MUC4: variants seen among roughly 807,000 people sequenced by gnomAD.
MUC4 encodes the protein mucin 4, cell surface associated.
Under a neutral mutation model 257.9 loss-of-function variants are expected in MUC4, and 202 were observed. The observed-to-expected ratio is 0.78, with a 90% CI of 0.70 to 0.88. The LOEUF (loss-of-function observed/expected upper bound fraction) is 0.88, where lower values mean the gene tolerates loss of function less well. Among genes scored for constraint, MUC4 ranks in the 40% least tolerant of loss-of-function variants. The pLI is 0.00. For missense variants in MUC4, 5,976 were observed against 6,513.7 expected, an observed-to-expected ratio of 0.92 and a Z score of 2.84; for synonymous variants, 2,351 against 2,757.1, an observed-to-expected ratio of 0.85 and a Z score of 4.62.
chr3:195,756,711 G>A (rs190993907), intron 18 of MUC4, among the ~76,000 whole-genome samples: 1 of 149,156 alleles, frequency 6.7e-6, no homozygotes, highest in Admixed American at 6.7e-5. Context: ...TGCCCAGGCT[G>A]GAGTACAATG....
Position 195,791,021 on chromosome 3 carries a change from A to C in MUC4, c.559T>G (p.Ser187Ala). 1.2e-6 allele frequency: 2 copies of C among 1,613,800 alleles called. No homozygotes were observed. The highest frequency in any genetic ancestry group is 1.7e-6 in the Non-Finnish European group (2 of 1,179,862). The change falls in exon 2 of 25, where the codon TCT (serine) becomes GCT (alanine). Residue 187 changes from serine (S) to alanine (A), a missense_variant. This residue lies in a region of MUC4 where 1,583 missense variants were observed against 1,257.4 expected (regional missense o/e 1.26). Transcript: ENST00000463781. ...GAAGAAGCTGATGTGTCTTGGATAG[A>C]GGTCCTCCAGGAAGTTGTTCGTGAT... ...GQSRTTSWRT[S>A]IQDTSASSQN...
In MUC4 at chr3:195,782,427, T is replaced by G. The variant is rs770156363; in HGVS notation, c.9153A>C (p.Thr3051=). Residue 3051 remains threonine, a synonymous_variant, in exon 2 of 25, where the codon ACA becomes ACC. Coordinates refer to ENST00000463781, the MANE Select transcript of MUC4 (RefSeq NM_018406.7). Reference sequence around the variant, plus strand: ...TGACATGAAGAGGGTTGGCGTGACCTGTGGATGCTGAGGAAGTGTCGGTGA... The same window carrying G: ...TGACATGAAGAGGGTTGGCGTGACCGGTGGATGCTGAGGAAGTGTCGGTGA... The part of the protein sequence containing the change: ...LPVTDTSSAS[T]GHANPLHVTS... 7.6e-6 allele frequency: 11 copies of G among 1,447,574 alleles called. 2 individuals are homozygous for G. In the African/African-American group the frequency reaches 1.7e-4, roughly 22 times the overall value. The allele number at this position is 1,447,574 out of a possible 1,614,324, so 89.7% of individuals were successfully genotyped here. A position where few individuals can be genotyped will look rare whatever the true frequency, so the allele number is the denominator to read the frequency against.
At chr3:195,753,024 G>A (rs751777224) in intron 20 of MUC4, 27 bp downstream of exon 20, 6 of 1,598,844 alleles carry the variant, frequency 3.8e-6, no homozygotes, top group African/African-American at 1.3e-5. Flanking sequence ...GAGTGCGGGG[G>A]TGAGAGGGCG....
chr3:195,804,335 TC>T (rs1437112045), intron 1 of MUC4, among the ~76,000 whole-genome samples: 1 of 152,204 alleles, frequency 6.6e-6, no homozygotes, highest in Non-Finnish European at 1.5e-5. Context: ...GGCATCGTTT[TC>T]CCCAGATGGC....
chr3:195,774,149 C>A (rs762397903), intron 4 of MUC4, 23 bp downstream of exon 4: 4 of 1,585,678 alleles, frequency 2.5e-6, no homozygotes, highest in Non-Finnish European at 3.4e-6. Flanking sequence ...GTTCAGGCTG[C>A]GCGGGCCGCA....
Position 195,811,837 on chromosome 3 carries a change from C to T in MUC4, c.-20G>A, listed in dbSNP as rs1736790128. On this transcript the variant is annotated 5_prime_UTR_variant, in exon 1 of 25. Transcript: ENST00000463781. Reference sequence around the variant, plus strand: ...CTTCATGGCTGCGGCAAAAGTCCCCCTGGCTCCCTGGGGAAGCTCCACGGC... The same window carrying T: ...CTTCATGGCTGCGGCAAAAGTCCCCTTGGCTCCCTGGGGAAGCTCCACGGC... 1 of 1,611,976 alleles carries T rather than the reference C, an allele frequency of 6.2e-7. No homozygotes were observed. The highest frequency in any genetic ancestry group is 8.5e-7 in the Non-Finnish European group (1 of 1,178,784).
chr3:195,810,003 G>C lies in MUC4; in HGVS notation c.82+1733C>G, dbSNP rs964893856. ...CCTCGCTCTGGGAGTCATGATTCCC[G>C]TGGAGACTCCTTCAACCACATCTGC... is the stretch of plus-strand genomic sequence containing the variant. On this transcript the variant is annotated intron_variant, in intron 1 of 24. Transcript: ENST00000463781. This position sits in a 1 kb window ranked among gnomAD's most constrained non-coding sequence, Gnocchi z 4.2. 1 of 152,320 alleles carries C rather than the reference G, an allele frequency of 6.6e-6. No homozygotes were observed. The highest frequency in any genetic ancestry group is 1.5e-5 in the Non-Finnish European group (1 of 68,202). 9.4% of individuals were successfully genotyped at this position (152,320 alleles called of 1,614,324 possible).
In MUC4 at chr3:195,761,133, C is replaced by T. The variant is rs751226515; in HGVS notation, c.14615-16G>A. On this transcript the variant is annotated splice_polypyrimidine_tract_variant and intron_variant, in intron 15 of 24. Coordinates refer to ENST00000463781, the MANE Select transcript of MUC4 (RefSeq NM_018406.7). Reference sequence around the variant, plus strand: ...TTGATCTGCCCTGTAACACACAGAGCGCGGTGGTACCAGGCATGGCACTCA... The same window carrying T: ...TTGATCTGCCCTGTAACACACAGAGTGCGGTGGTACCAGGCATGGCACTCA... 8 of 1,607,670 alleles carry T rather than the reference C, an allele frequency of 5.0e-6. No individual in the cohort carries two copies. The highest frequency in any genetic ancestry group is 4.0e-5 in the African/African-American group (3 of 74,812).
At position 195,789,912 on chromosome 3, in the gene MUC4, TG is replaced by T; in HGVS notation, c.1667del (p.Pro556GlnfsTer31). On this transcript the variant is annotated frameshift_variant, in exon 2 of 25. Transcript: ENST00000463781. LOFTEE classifies it high-confidence loss of function. ...TTYSSHSTTL[P>X]KTTGAGAQTQ... is the part of the protein sequence containing the mutation. ...TCTGGGCGCCTGCCCCTGTTGTTTT[TG>T]GGAGAGTTGTGCTGTGGGAGGAGTA... is the stretch of plus-strand genomic sequence containing the variant. The T allele has an allele frequency of 6.2e-7, 1 of 1,613,988 alleles. No individual in the cohort carries two copies. Among genetic ancestry groups the T allele is most frequent in the Non-Finnish European group, 8.5e-7 (1 of 1,179,884 alleles).
chr3:195,753,224 C>A lies in MUC4; in HGVS notation c.15335G>T (p.Gly5112Val). Residue 5112 changes from glycine to valine, a missense_variant, in exon 20 of 25, where the codon GGG becomes GTG. Gly to Val is a moderately radical substitution (Grantham distance 109). Around this residue, in one of 44 missense-constraint regions of MUC4, gnomAD observed 996 missense variants for 1,137.3 expected, o/e 0.88. Coordinates refer to ENST00000463781, the MANE Select transcript of MUC4 (RefSeq NM_018406.7). Reference protein sequence around the residue: ...TGDGRHCAALGSSFLCQNQSC... With the variant: ...TGDGRHCAALVSSFLCQNQSC... ...CTGGTTCTGACACAGGAAAGAGCTC[C>A]CCAGAGCTGCAGAGTGAGTAGGGAG... The A allele has an allele frequency of 6.2e-7, 1 of 1,613,766 alleles. No individual in the cohort carries two copies. The highest frequency in any genetic ancestry group is 1.3e-5 in the African/African-American group (1 of 75,010).
chr3:195,767,837 A>C (rs1027500385), intron 7 of MUC4, among the ~76,000 whole-genome samples: 25 of 134,392 alleles, frequency 1.9e-4, no homozygotes, highest in African/African-American at 5.7e-4. Flanking sequence ...CACCATCACC[A>C]CCACCACCAT....
At chr3:195,759,306 C>T in intron 16 of MUC4, 45 bp from the exon 17 acceptor site, 1 of 1,601,850 alleles carries the variant, frequency 6.2e-7, no homozygotes, top group Non-Finnish European at 8.5e-7. Context: ...AGGACAGTCT[C>T]CTGCTTTATC....
chr3:195,774,347 G>A (rs541280612), intron 3 of MUC4, 42 bp from the exon 4 acceptor site: 10 of 1,485,766 alleles, frequency 6.7e-6, no homozygotes, highest in Non-Finnish European at 8.0e-6. Context: ...AAGTGGGCCT[G>A]GGCCTTCTTT....
At chr3:195,778,665 C>A in intron 2 of MUC4, 125 bp downstream of exon 2, 1 of 1,299,284 alleles carries the variant, frequency 7.7e-7, no homozygotes, top group Admixed American at 2.4e-5. Context: ...TCACCTCCTC[C>A]CCTGTGGGAC....
chr3:195,772,066 C>G (rs1200301759), intron 4 of MUC4, among the ~76,000 whole-genome samples: 2 of 152,190 alleles, frequency 1.3e-5, no homozygotes, highest in Non-Finnish European at 2.9e-5. Flanking sequence ...CTGCAGATCC[C>G]TGGCTGTGGA....
At chr3:195,747,436 CCCT>C in intron 24 of MUC4, 56 bp from the exon 25 acceptor site, 8 of 1,558,480 alleles carry the variant, frequency 5.1e-6, no homozygotes, top group Non-Finnish European at 6.2e-6. Flanking sequence ...GCCTCCCAGC[CCCT>C]CCTCTTCTGC....
rs1720960376 is a variant in MUC4, at chr3:195,767,518, A to ACCACCATCATTG, written c.13530-768_13530-767insCAATGATGGTGG. On this transcript the variant is annotated intron_variant, in intron 7 of 24. Transcript: ENST00000463781. ...CACCATCACCACCACCATCACCATC[A>ACCACCATCATTG]CCACCACCATCGCCACCACCATCAT... Among the ~76,000 whole-genome samples, 9 of 137,018 alleles carry ACCACCATCATTG rather than the reference A, an allele frequency of 6.6e-5. 1 individual carries two copies. The highest frequency in any genetic ancestry group is 2.2e-4 in the African/African-American group (7 of 32,238). The allele number at this position is 137,018 out of a possible 152,430, so 89.9% of individuals were successfully genotyped here. A position where few individuals can be genotyped will look rare whatever the true frequency, so the allele number is the denominator to read the frequency against.
rs1718900606 is a variant in MUC4 at position 195,761,485 on chromosome 3, G to A, written c.14613C>T (p.Thr4871=). The A allele has an allele frequency of 1.2e-6, 2 of 1,613,000 alleles. No individual in the cohort carries two copies. The highest frequency in any genetic ancestry group is 1.1e-5 in the South Asian group (1 of 91,062). The change falls in exon 15 of 25, where the codon ACC becomes ACT. Residue 4871 remains threonine, a splice_region_variant and synonymous_variant. Coordinates refer to ENST00000463781, the MANE Select transcript of MUC4 (RefSeq NM_018406.7). ...PEEMLFHFGM[T]WQINGTGLLG... ...CCCCAGGACCCTGCCCAGACTCACA[G>A]GTCATTCCAAAGTGGAAAAGCATCT...
rs528407519 is a variant in MUC4, at chr3:195,778,729, T to A, written c.12790+61A>T. 48 of 1,500,738 alleles carry A rather than the reference T, an allele frequency of 3.2e-5. 1 individual carries two copies. The South Asian group carries it at 5.8e-4, about 18-fold the overall frequency. 93.0% of individuals were successfully genotyped at this position (1,500,738 alleles called of 1,614,324 possible). The stretch of plus-strand genomic sequence containing the variant: ...TGCACCAGTGTTCTCAGGTACTCCT[T>A]AGGCTGAATTCCGCCAAGGGGCCCA... On this transcript the variant is annotated intron_variant, in intron 2 of 24. Coordinates refer to ENST00000463781, the MANE Select transcript of MUC4 (RefSeq NM_018406.7).
Sources: gnomAD v4.1 joint callset for allele counts (sites outside exome capture counted in the v4.1 genomes callset) on GRCh38, gnomAD v4.1.1 for gene constraint, gnomAD v4.1.1 regional missense constraint, Gnocchi (gnomAD v3.1) non-coding constraint, MANE v1.5 for transcripts, NCBI Gene and HGNC (gene_info 2026-07-23, HGNC 2026-07-21) for gene names.